Variants in CNTN4 observed in about 807,000 individuals in gnomAD.
CNTN4 encodes contactin 4.
CNTN4 carries 77 observed loss-of-function variants against 122.5 expected under a neutral mutation model. The ratio of observed to expected loss-of-function variants is 0.63; its 90% CI spans 0.52 to 0.76. CNTN4 has a LOEUF of 0.76. Ranked by LOEUF, CNTN4 falls within the 30% of genes least tolerant of loss-of-function variation. The probability of loss-of-function intolerance (pLI) is 0.00; values close to 1 mark genes in which losing one functional copy is unlikely to be tolerated. For missense variants in CNTN4, 1,256 were observed against 1,259.1 expected, an observed-to-expected ratio of 1.00 and a Z score of 0.04; for synonymous variants, 512 against 447.0, an observed-to-expected ratio of 1.15 and a Z score of -1.83.
intron 23 of CNTN4, among the ~76,000 whole-genome samples, chr3:3,053,320 C>T (rs1356565638): frequency 6.6e-6 from 1 of 152,214 alleles, no homozygotes; most frequent in Non-Finnish European, 1.5e-5. Flanking sequence ...TAGGCATGGG[C>T]CACTGCACCC....
At chr3:2,317,694 T>C (rs1274757988) in intron 2 of CNTN4, among the ~76,000 whole-genome samples, 1 of 152,214 alleles carries the variant, frequency 6.6e-6, no homozygotes, top group Non-Finnish European at 1.5e-5. Flanking sequence ...GCAGCTGCTG[T>C]GAAAGAAATT....
chr3:2,650,357 G>A (rs1387822971), intron 4 of CNTN4, among the ~76,000 whole-genome samples: 2 of 152,086 alleles, frequency 1.3e-5, no homozygotes, highest in East Asian at 1.9e-4. Flanking sequence ...TTATAGATAA[G>A]CAAATAACAT....
chr3:2,718,350 C>T (rs1356144327), intron 4 of CNTN4, among the ~76,000 whole-genome samples: 1 of 151,920 alleles, frequency 6.6e-6, no homozygotes, highest in Non-Finnish European at 1.5e-5. Flanking sequence ...TTATAAATAT[C>T]TCTATTATGT....
At position 2,803,611 on chromosome 3, in the gene CNTN4, G is replaced by A. The variant is rs532407688; in HGVS notation, c.359-15875G>A. ...GCCTCGCTCTGTCGCCCAGGCTGGA[G>A]TGCAGTGGCGTGATCTTGGCTCACT... On this transcript the variant is annotated intron_variant, in intron 6 of 24. Coordinates refer to ENST00000418658, the MANE Select transcript of CNTN4 (RefSeq NM_175607.3). Among the ~76,000 whole-genome samples, 8 of 151,064 alleles carry A rather than the reference G, an allele frequency of 5.3e-5. No individual in the cohort carries two copies. The East Asian group carries it at 1.6e-3, about 30-fold the overall frequency.
intron 3 of CNTN4, among the ~76,000 whole-genome samples, chr3:2,376,001 C>T (rs574953273): frequency 6.6e-6 from 1 of 151,978 alleles, no homozygotes; most frequent in East Asian, 1.9e-4. Flanking sequence ...TCTGACTTTG[C>T]CATTTATTGA....
chr3:2,868,861 G>A (rs114802126), intron 8 of CNTN4, among the ~76,000 whole-genome samples: 2 of 152,054 alleles, frequency 1.3e-5, no homozygotes, highest in African/African-American at 2.4e-5. Context: ...GGGGTGGTGG[G>A]TGTCTACTTT....
intron 4 of CNTN4, among the ~76,000 whole-genome samples, chr3:2,717,225 G>C (rs1410033654): frequency 6.6e-6 from 1 of 152,044 alleles, no homozygotes; most frequent in African/African-American, 2.4e-5. Flanking sequence ...TTTCAGTAGG[G>C]TGCCCACTAC....
intron 6 of CNTN4, among the ~76,000 whole-genome samples, chr3:2,746,951 A>C (rs1427787389): frequency 6.6e-6 from 1 of 152,190 alleles, no homozygotes; most frequent in African/African-American, 2.4e-5. Flanking sequence ...AGTAATGACA[A>C]ATCTTGCTAA....
chr3:2,780,921 C>T (rs771518476), intron 6 of CNTN4, among the ~76,000 whole-genome samples: 4 of 152,118 alleles, frequency 2.6e-5, no homozygotes, highest in South Asian at 2.1e-4. Flanking sequence ...CAATTCCAAA[C>T]CCAAGTTAAG....
At chr3:3,006,379 A>T (rs1696651110) in intron 14 of CNTN4, among the ~76,000 whole-genome samples, 1 of 152,096 alleles carries the variant, frequency 6.6e-6, no homozygotes, top group African/African-American at 2.4e-5. Context: ...TAATGAAAGG[A>T]CCACATGACC....
chr3:2,924,827 G>C (rs1395686401), intron 12 of CNTN4, among the ~76,000 whole-genome samples: 1 of 152,110 alleles, frequency 6.6e-6, no homozygotes, highest in Admixed American at 6.6e-5. Context: ...CTTACGGAGA[G>C]TGACAATAGA....
At chr3:2,394,810 A>G (rs992885230) in intron 3 of CNTN4, among the ~76,000 whole-genome samples, 2 of 92,160 alleles carry the variant, frequency 2.2e-5, no homozygotes, top group African/African-American at 6.3e-5. Flanking sequence ...TTTTTTTGAG[A>G]CAATCTCGCT....
At chr3:2,361,300 T>A (rs1243617422) in intron 3 of CNTN4, among the ~76,000 whole-genome samples, 2 of 152,342 alleles carry the variant, frequency 1.3e-5, no homozygotes, top group African/African-American at 4.8e-5. Context: ...CTCAGTGCTT[T>A]TCAACCAGGG....
chr3:2,432,646 GTA>G (rs927143631), intron 3 of CNTN4, among the ~76,000 whole-genome samples: 141 of 151,088 alleles, frequency 9.3e-4, no homozygotes, highest in African/African-American at 3.4e-3. Context: ...GTATGTATGT[GTA>G]TATATATGTG....
chr3:2,728,403 G>T (rs1025171732), intron 4 of CNTN4, among the ~76,000 whole-genome samples: 1 of 152,194 alleles, frequency 6.6e-6, no homozygotes, highest in Non-Finnish European at 1.5e-5. Context: ...GGAACATGCT[G>T]GTGGTGGAAA....
At chr3:2,438,387 C>T (rs1345520782) in intron 3 of CNTN4, among the ~76,000 whole-genome samples, 4 of 151,940 alleles carry the variant, frequency 2.6e-5, no homozygotes, top group Admixed American at 1.3e-4. Flanking sequence ...CCAGGCATGG[C>T]GGTGCGTGCC....
At chr3:2,480,939 C>T (rs1257306539) in intron 3 of CNTN4, among the ~76,000 whole-genome samples, 5 of 152,040 alleles carry the variant, frequency 3.3e-5, no homozygotes, top group Admixed American at 6.5e-5. Context: ...ATATCCACAT[C>T]AATATAGTTA....
chr3:2,746,672 A>G (rs1472360992), intron 6 of CNTN4, among the ~76,000 whole-genome samples: 1 of 152,240 alleles, frequency 6.6e-6, no homozygotes, highest in Admixed American at 6.5e-5. Flanking sequence ...CTCTCCAGGA[A>G]CTCAACATCC....
chr3:2,913,266 C>T (rs764279638), intron 12 of CNTN4, among the ~76,000 whole-genome samples: 1 of 152,166 alleles, frequency 6.6e-6, no homozygotes, highest in Non-Finnish European at 1.5e-5. Context: ...CTACAAGATA[C>T]ATAAAACAAA....
Sources: allele counts gnomAD v4.1 joint callset (sites outside exome capture counted in the v4.1 genomes callset), GRCh38; gene constraint gnomAD v4.1.1; transcripts MANE v1.5; gene names NCBI Gene and HGNC (gene_info 2026-07-23, HGNC 2026-07-21).